Variants in PRRC1 observed in about 807,000 individuals in gnomAD.
PRRC1 encodes protein PRRC1.
PRRC1 carries 39 observed loss-of-function variants against 40.7 expected under a neutral mutation model. That is an observed-to-expected ratio of 0.96 (90% CI 0.74 to 1.25). The LOEUF (loss-of-function observed/expected upper bound fraction) is 1.25. PRRC1 is among the 50% of genes most tolerant of loss of function. The pLI is 0.00. For missense variants in PRRC1, 573 were observed against 548.3 expected (o/e 1.05, Z -0.45); for synonymous variants, 175 against 193.3 (o/e 0.91, Z 0.79).
intron 1 of PRRC1, among the ~76,000 whole-genome samples, chr5:127,521,864 AT>A (rs1202966837): frequency 6.6e-6 from 1 of 152,088 alleles, no homozygotes. Flanking sequence ...TTAAGTTCTT[AT>A]CCTTCAAATC....
intron 6 of PRRC1, 56 bp downstream of exon 6, chr5:127,533,842 A>C: frequency 6.4e-7 from 1 of 1,561,422 alleles, no homozygotes; most frequent in Non-Finnish European, 8.8e-7. Flanking sequence ...ATTTTTTCAC[A>C]ATTCTGATAA....
chr5:127,538,059 GA>G (rs148746560), intron 6 of PRRC1, among the ~76,000 whole-genome samples: 1 of 151,716 alleles, frequency 6.6e-6, no homozygotes, highest in Non-Finnish European at 1.5e-5. Context: ...ACTAGAGATA[GA>G]AGAGTGAGCA....
intron 7 of PRRC1, among the ~76,000 whole-genome samples, chr5:127,539,801 C>T (rs1350238171): frequency 6.6e-6 from 1 of 152,014 alleles, no homozygotes; most frequent in Non-Finnish European, 1.5e-5. Context: ...TATCCTCCAA[C>T]TTTGAGGCAT....
In PRRC1 at chr5:127,524,938, T is replaced by C. The variant is rs1767579398; in HGVS notation, c.493+18T>C. 2 of 1,552,094 alleles carry C rather than the reference T, an allele frequency of 1.3e-6. No homozygotes were observed. Among genetic ancestry groups the C allele is most frequent in the East Asian group, 2.3e-5 (1 of 44,328 alleles). On this transcript the variant is annotated intron_variant, in intron 3 of 8. Coordinates refer to ENST00000296666, the MANE Select transcript of PRRC1 (RefSeq NM_130809.5). ...AGGAACAGGTAATTCTTTCTGATAC[T>C]TTGAAATACATGGCTATTAATTAAT...
rs777188389 is a variant in PRRC1 at position 127,524,711 on chromosome 5, C to A, written c.284C>A (p.Ser95Tyr). The change falls in exon 3 of 9, where the codon TCT becomes TAT. Residue 95 changes from serine (S) to tyrosine (Y), a missense_variant. Physicochemically the swap from Ser to Tyr is moderately radical, Grantham distance 144. Transcript: ENST00000296666. ...GTTACTTCTATGCCACCTCCTGTTT[C>A]TCCATCAACTGCTGCTGCCTTCGGT... ...PLVTSMPPPV[S>Y]PSTAAAFGNP... 6.2e-7 allele frequency: 1 copy of A among 1,614,190 alleles called. No homozygotes were observed. The highest frequency in any genetic ancestry group is 8.5e-7 in the Non-Finnish European group (1 of 1,180,020).
intron 8 of PRRC1, 64 bp from the exon 9 acceptor site, chr5:127,551,643 T>G (rs565138712): frequency 2.0e-6 from 3 of 1,494,280 alleles, no homozygotes; most frequent in South Asian, 2.3e-5. Flanking sequence ...AAATGTCACT[T>G]ATAGCTAGTT....
In PRRC1 at chr5:127,553,172, A is replaced by G; in HGVS notation, c.*1256A>G. 2.0e-6 allele frequency: 2 copies of G among 982,866 alleles called. No individual in the cohort carries two copies. Among genetic ancestry groups the G allele is most frequent in the Non-Finnish European group, 2.4e-6 (2 of 827,690 alleles). The allele number at this position is 982,866 out of a possible 1,614,324, so 60.9% of individuals were successfully genotyped here. ...CTTTAGATGTAAAAGAATTAGCACA[A>G]TCTCTGGCAGTTTTATAAAAGCTGT... On this transcript the variant is annotated 3_prime_UTR_variant, in exon 9 of 9. Transcript: ENST00000296666.
chr5:127,532,794 A>T (rs977490386), intron 5 of PRRC1, among the ~76,000 whole-genome samples: 5 of 152,172 alleles, frequency 3.3e-5, no homozygotes, highest in African/African-American at 9.7e-5. Flanking sequence ...CTAGGGCAAA[A>T]TGTTTTACAT....
chr5:127,524,607 G>A lies in PRRC1; in HGVS notation c.180G>A (p.Gln60=). 6.2e-7 allele frequency: 1 copy of A among 1,613,938 alleles called. No individual in the cohort carries two copies. Among genetic ancestry groups the A allele is most frequent in the Non-Finnish European group, 8.5e-7 (1 of 1,179,974 alleles). Residue 60 remains glutamine, a synonymous_variant, in exon 3 of 9, where the codon CAG becomes CAA. Transcript: ENST00000296666. ...SFPPLAYSTP[Q]PPLPPVRPSA... is the part of the protein sequence containing the mutation. ...CACCACTCGCATACTCTACTCCTCA[G>A]CCGCCCCTTCCTCCTGTGAGGCCTT...
chr5:127,523,463 A>G lies in PRRC1; in HGVS notation c.-17A>G, dbSNP rs1455357566. On this transcript the variant is annotated 5_prime_UTR_variant, in exon 2 of 9. It adds an upstream start codon to the 5' untranslated region. Transcript: ENST00000296666. ...TTACATTTTTGTGTTTTTATAGTAT[A>G]CCATAATTGAAGAAAAATGATGGAA... 1 of 1,511,050 alleles carries G rather than the reference A, an allele frequency of 6.6e-7. No individual in the cohort carries two copies. Among genetic ancestry groups the G allele is most frequent in the Non-Finnish European group, 9.1e-7 (1 of 1,100,972 alleles). The allele number at this position is 1,511,050 out of a possible 1,614,324, so 93.6% of individuals were successfully genotyped here. A position where few individuals can be genotyped will look rare whatever the true frequency, so the allele number is the denominator to read the frequency against.
chr5:127,549,339 TG>T (rs1398162119), intron 8 of PRRC1: 1 of 152,280 alleles, frequency 6.6e-6, no homozygotes, highest in Admixed American at 6.5e-5. Context: ...TCAAAACCAT[TG>T]GTAAAATTAA....
chr5:127,540,494 C>A (rs1561685401), intron 7 of PRRC1, among the ~76,000 whole-genome samples: 1 of 151,944 alleles, frequency 6.6e-6, no homozygotes, highest in Non-Finnish European at 1.5e-5. Context: ...GTTTTTCTGT[C>A]TGGGGTCATT....
At chr5:127,542,430 G>C (rs987029000) in intron 7 of PRRC1, among the ~76,000 whole-genome samples, 81 of 152,198 alleles carry the variant, frequency 5.3e-4, no homozygotes, top group African/African-American at 1.9e-3. Context: ...GGGTATCCTT[G>C]TTAACTTTCT....
In PRRC1 at chr5:127,553,134, C is replaced by T. The variant is rs550238562; in HGVS notation, c.*1218C>T. ...ATAAATGTAATTTAATTTTTTTACT[C>T]TTCTATACAGTTCTTTAGATGTAAA... On this transcript the variant is annotated 3_prime_UTR_variant, in exon 9 of 9. Coordinates refer to ENST00000296666, the MANE Select transcript of PRRC1 (RefSeq NM_130809.5). 3 of 957,708 alleles carry T rather than the reference C, an allele frequency of 3.1e-6. No homozygotes were observed. The highest frequency in any genetic ancestry group is 3.7e-6 in the Non-Finnish European group (3 of 805,338). 59.3% of individuals were successfully genotyped at this position (957,708 alleles called of 1,614,324 possible). A position where few individuals can be genotyped will look rare whatever the true frequency, so the allele number is the denominator to read the frequency against.
intron 4 of PRRC1, among the ~76,000 whole-genome samples, chr5:127,528,867 T>G (rs1767693143): frequency 1.3e-5 from 2 of 152,184 alleles, no homozygotes; most frequent in African/African-American, 4.8e-5. Flanking sequence ...ATTATCTTCC[T>G]TAAGAAATTG....
chr5:127,531,582 C>G (rs570701254), intron 5 of PRRC1, among the ~76,000 whole-genome samples: 10 of 150,400 alleles, frequency 6.6e-5, no homozygotes, highest in African/African-American at 2.0e-4. Context: ...TAGAGCAAAC[C>G]CTATGAGGTG....
intron 5 of PRRC1, 45 bp from the exon 6 acceptor site, chr5:127,533,578 T>C (rs233039): frequency 6.5e-7 from 1 of 1,529,642 alleles, no homozygotes; most frequent in Non-Finnish European, 9.0e-7. Context: ...TATGAGAATT[T>C]CATTATTTTA....
chr5:127,553,709 T>G lies in PRRC1; in HGVS notation c.*1793T>G. On this transcript the variant is annotated 3_prime_UTR_variant, in exon 9 of 9. Transcript: ENST00000296666. Reference sequence around the variant, plus strand: ...GATTCTAAAAATACCTTAATTTTTCTTTGATTTTTATTTTACCAAGTCACA... The same window carrying G: ...GATTCTAAAAATACCTTAATTTTTCGTTGATTTTTATTTTACCAAGTCACA... 16 of 1,498,300 alleles carry G rather than the reference T, an allele frequency of 1.1e-5. No homozygotes were observed. The highest frequency in any genetic ancestry group is 1.3e-5 in the Non-Finnish European group (15 of 1,132,278). The allele number at this position is 1,498,300 out of a possible 1,614,324, so 92.8% of individuals were successfully genotyped here. A position where few individuals can be genotyped will look rare whatever the true frequency, so the allele number is the denominator to read the frequency against.
intron 6 of PRRC1, among the ~76,000 whole-genome samples, chr5:127,538,222 A>T (rs1437935919): frequency 6.6e-6 from 1 of 151,918 alleles, no homozygotes; most frequent in African/African-American, 2.4e-5. Flanking sequence ...TTTTCTCGAG[A>T]TGTGTCCTAG....
Sources: allele counts gnomAD v4.1 joint callset (sites outside exome capture counted in the v4.1 genomes callset), GRCh38; gene constraint gnomAD v4.1.1; transcripts MANE v1.5; gene names NCBI Gene and HGNC (gene_info 2026-07-23, HGNC 2026-07-21).